The following FAM124A variants were observed in gnomAD, a reference collection of about 807,000 sequenced individuals.
The protein encoded by FAM124A is protein FAM124A.
Under a neutral mutation model 24.5 loss-of-function variants are expected in FAM124A, and 23 were observed. The ratio of observed to expected loss-of-function variants is 0.94; its 90% CI spans 0.68 to 1.33. The LOEUF (loss-of-function observed/expected upper bound fraction) is 1.33. FAM124A is among the 40% of genes most tolerant of loss of function. FAM124A has a pLI of 0.00. For synonymous variants in FAM124A, 287 were observed against 314.7 expected (o/e 0.91, Z 0.93); for missense variants, 623 against 722.8 (o/e 0.86, Z 1.58).
intron 2 of FAM124A, among the ~76,000 whole-genome samples, chr13:51,250,450 C>T (rs1704512470): frequency 6.6e-6 from 1 of 152,130 alleles, no homozygotes. Flanking sequence ...AAAGAGCAAG[C>T]CTTTTATCAG....
At chr13:51,252,408 A>C (rs1186791475) in intron 3 of FAM124A, 1 of 658,258 alleles carries the variant, frequency 1.5e-6, no homozygotes, top group Non-Finnish European at 2.5e-6. Flanking sequence ...GGTTCTCTTC[A>C]TTTCACTTTC....
intron 2 of FAM124A, among the ~76,000 whole-genome samples, chr13:51,239,015 A>T (rs1204959580): frequency 6.6e-6 from 1 of 152,174 alleles, no homozygotes; most frequent in African/African-American, 2.4e-5. Context: ...GTTGATTTCC[A>T]TCCGGGATAT....
Position 51,281,385 on chromosome 13 carries a change from C to T in FAM124A, c.*129C>T, listed in dbSNP as rs1394850994. The T allele has an allele frequency of 1.1e-6, 1 of 879,934 alleles. No homozygotes were observed. The highest frequency in any genetic ancestry group is 2.7e-5 in the East Asian group (1 of 36,524). 54.5% of individuals were successfully genotyped at this position (879,934 alleles called of 1,614,324 possible). On this transcript the variant is annotated 3_prime_UTR_variant, in exon 4 of 4. Coordinates refer to ENST00000322475, the MANE Select transcript of FAM124A (RefSeq NM_001242312.2). Reference sequence around the variant, plus strand: ...TCCCAGGAGCCCGTAGCACATTTGCCTACCACCCACTCTTAGCTGGGGGGT... The same window carrying T: ...TCCCAGGAGCCCGTAGCACATTTGCTTACCACCCACTCTTAGCTGGGGGGT...
At position 51,272,677 on chromosome 13, in the gene FAM124A, C is replaced by G. The variant is rs1229880020; in HGVS notation, c.835-7773C>G. On this transcript the variant is annotated intron_variant, in intron 3 of 3. Coordinates refer to ENST00000322475, the MANE Select transcript of FAM124A (RefSeq NM_001242312.2). The surrounding 1 kb of genome is among the most constrained non-coding windows in gnomAD (Gnocchi z 4.2). ...CTCTCTGGAAAGATGGACCAGGGACCTAGACCACAGGACACCAAGCACAGT... is the reference window on the plus strand; with the variant it reads ...CTCTCTGGAAAGATGGACCAGGGACGTAGACCACAGGACACCAAGCACAGT... 6.6e-6 allele frequency among the ~76,000 whole-genome samples: 1 copy of G among 152,108 alleles called. No individual in the cohort carries two copies. Among genetic ancestry groups the G allele is most frequent in the African/African-American group, 2.4e-5 (1 of 41,410 alleles).
rs1954699150 is a variant in FAM124A at position 51,258,592 on chromosome 13, A to T, written c.834+6391A>T. On this transcript the variant is annotated intron_variant, in intron 3 of 3. Transcript: ENST00000322475. The surrounding 1 kb of genome is among the most constrained non-coding windows in gnomAD (Gnocchi z 4.2). ...ACCAAGAAAGCTAGCAAAGCATTGC[A>T]GTGCTGTGGCTTCAAAACTCATCCA... is the stretch of plus-strand genomic sequence containing the variant. Among the ~76,000 whole-genome samples, 1 of 152,222 alleles carries T rather than the reference A, an allele frequency of 6.6e-6. No individual in the cohort carries two copies. Among genetic ancestry groups the T allele is most frequent in the Non-Finnish European group, 1.5e-5 (1 of 68,034 alleles).
intron 3 of FAM124A, among the ~76,000 whole-genome samples, chr13:51,269,476 A>G (rs1954819391): frequency 6.6e-6 from 1 of 152,234 alleles, no homozygotes; most frequent in African/African-American, 2.4e-5. Flanking sequence ...AATTTGTAAC[A>G]TTGAAACAGT....
chr13:51,233,663 T>C (rs1954403413), intron 2 of FAM124A, among the ~76,000 whole-genome samples: 1 of 152,114 alleles, frequency 6.6e-6, no homozygotes, highest in Admixed American at 6.5e-5. Flanking sequence ...GCCACCTACT[T>C]TCAGGAGAAG....
rs58429977 is a variant in FAM124A, at chr13:51,272,594, C to CACACACACACACACACA, written c.835-7856_835-7855insACACACACACACACACA. Among the ~76,000 whole-genome samples, 1 of 149,272 alleles carries CACACACACACACACACA rather than the reference C, an allele frequency of 6.7e-6. No homozygotes were observed. The highest frequency in any genetic ancestry group is 2.1e-4 in the South Asian group (1 of 4,692). ...ACACACACACACACACACACACACA[C>CACACACACACACACACA]CAGTTGAACCACCAGATCAGCTACC... is the stretch of plus-strand genomic sequence containing the variant. On this transcript the variant is annotated intron_variant, in intron 3 of 3. Coordinates refer to ENST00000322475, the MANE Select transcript of FAM124A (RefSeq NM_001242312.2). This position sits in a 1 kb window ranked among gnomAD's most constrained non-coding sequence, Gnocchi z 4.2.
At chr13:51,263,476 A>G (rs1365258707) in intron 3 of FAM124A, among the ~76,000 whole-genome samples, 2 of 152,192 alleles carry the variant, frequency 1.3e-5, no homozygotes, top group South Asian at 4.1e-4. Flanking sequence ...TTAACAAGAG[A>G]TGGAGCCCCA....
At chr13:51,270,715 G>A (rs1954833093) in intron 3 of FAM124A, among the ~76,000 whole-genome samples, 1 of 152,220 alleles carries the variant, frequency 6.6e-6, no homozygotes, top group African/African-American at 2.4e-5. Flanking sequence ...TTACTGTTTA[G>A]AATCTACAAT....
At chr13:51,224,943 C>T (rs1481130588) in intron 1 of FAM124A, among the ~76,000 whole-genome samples, 1 of 152,158 alleles carries the variant, frequency 6.6e-6, no homozygotes, top group Admixed American at 6.5e-5. Context: ...CTCTGCCCTT[C>T]CCACCTGACT....
rs1954939028 is a variant in FAM124A, at chr13:51,281,441, A to G, written c.*185A>G. On this transcript the variant is annotated 3_prime_UTR_variant, in exon 4 of 4. Transcript: ENST00000322475. ...ATCTCTAGAGACACAGCAGAAAAAT[A>G]CTGGCATTTTTATGCAAATAAATTC... The G allele has an allele frequency of 2.6e-5, 13 of 497,032 alleles. No individual in the cohort carries two copies. The highest frequency in any genetic ancestry group is 4.5e-5 in the Non-Finnish European group (13 of 290,846). The allele number at this position is 497,032 out of a possible 1,614,324, so 30.8% of individuals were successfully genotyped here. A position where few individuals can be genotyped will look rare whatever the true frequency, so the allele number is the denominator to read the frequency against.
intron 1 of FAM124A, among the ~76,000 whole-genome samples, chr13:51,229,155 G>C (rs376912040): frequency 6.6e-6 from 1 of 152,250 alleles, no homozygotes; most frequent in East Asian, 1.9e-4. Flanking sequence ...TTTCCGTTGT[G>C]ACGGTGGACC....
At chr13:51,266,560 A>T (rs963978447) in intron 3 of FAM124A, among the ~76,000 whole-genome samples, 2 of 152,214 alleles carry the variant, frequency 1.3e-5, no homozygotes, top group Admixed American at 1.3e-4. Flanking sequence ...TACCAGTAAC[A>T]ACACTGCAAG....
At chr13:51,224,641 C>T (rs959439382) in intron 1 of FAM124A, among the ~76,000 whole-genome samples, 1 of 152,086 alleles carries the variant, frequency 6.6e-6, no homozygotes, top group African/African-American at 2.4e-5. Context: ...CAGAGCTTGC[C>T]CCCACCCCTT....
chr13:51,282,745 A>G lies in FAM124A; in HGVS notation c.*1489A>G, dbSNP rs1954951789. On this transcript the variant is annotated 3_prime_UTR_variant, in exon 4 of 4. Coordinates refer to ENST00000322475, the MANE Select transcript of FAM124A (RefSeq NM_001242312.2). Reference sequence around the variant, plus strand: ...GTTACCAACCATCAGTCTTCAGCTGAAGCTTCAAGTCTTTGCCATCCTTGT... The same window carrying G: ...GTTACCAACCATCAGTCTTCAGCTGGAGCTTCAAGTCTTTGCCATCCTTGT... 6.6e-6 allele frequency: 1 copy of G among 152,270 alleles called. No individual in the cohort carries two copies. Among genetic ancestry groups the G allele is most frequent in the South Asian group, 2.1e-4 (1 of 4,838 alleles). The allele number at this position is 152,270 out of a possible 1,614,324, so 9.4% of individuals were successfully genotyped here.
intron 3 of FAM124A, among the ~76,000 whole-genome samples, chr13:51,279,210 TCTTGA>T (rs2137714464): frequency 6.6e-6 from 1 of 152,338 alleles, no homozygotes; most frequent in African/African-American, 2.4e-5. Flanking sequence ...TTTTATTTTC[TCTTGA>T]CTTATTTTCT....
Position 51,222,425 on chromosome 13 carries a change from C to T in FAM124A, c.-77C>T. On this transcript the variant is annotated 5_prime_UTR_variant, in exon 1 of 4. Transcript: ENST00000322475. Reference sequence around the variant, plus strand: ...ACGCTCGGAGGGAGCCCGGCCGGCTCGGACTGGGCGGCCGGGAGGGAGGGC... The same window carrying T: ...ACGCTCGGAGGGAGCCCGGCCGGCTTGGACTGGGCGGCCGGGAGGGAGGGC... 1 of 1,144,402 alleles carries T rather than the reference C, an allele frequency of 8.7e-7. No individual in the cohort carries two copies. The highest frequency in any genetic ancestry group is 1.1e-6 in the Non-Finnish European group (1 of 926,066). The allele number at this position is 1,144,402 out of a possible 1,614,324, so 70.9% of individuals were successfully genotyped here. A position where few individuals can be genotyped will look rare whatever the true frequency, so the allele number is the denominator to read the frequency against.
At chr13:51,232,594 GC>G (rs1232825206) in intron 2 of FAM124A, among the ~76,000 whole-genome samples, 21 of 152,184 alleles carry the variant, frequency 1.4e-4, no homozygotes, top group Admixed American at 6.5e-5. Flanking sequence ...GGTCAGTTCA[GC>G]CAACTGGAGA....
Sources: gnomAD v4.1 joint callset for allele counts (sites outside exome capture counted in the v4.1 genomes callset) on GRCh38, gnomAD v4.1.1 for gene constraint, Gnocchi (gnomAD v3.1) non-coding constraint, MANE v1.5 for transcripts, NCBI Gene and HGNC (gene_info 2026-07-23, HGNC 2026-07-21) for gene names.